Variants in PKN2 observed in about 807,000 individuals in gnomAD.
PKN2 encodes the protein serine/threonine-protein kinase N2.
PKN2 carries 38 observed loss-of-function variants against 119.1 expected under a neutral mutation model. The observed-to-expected ratio is 0.32, with a 90% CI of 0.25 to 0.42. The LOEUF (loss-of-function observed/expected upper bound fraction) is 0.42. Ranked by LOEUF, PKN2 falls within the 10% of genes least tolerant of loss-of-function variation. The pLI is 1.00. For missense variants in PKN2, 850 were observed against 1,165.1 expected, an observed-to-expected ratio of 0.73 and a Z score of 3.94; for synonymous variants, 390 against 384.9, an observed-to-expected ratio of 1.01 and a Z score of -0.15.
At chr1:88,775,446 T>C (rs1470549704) in intron 6 of PKN2, among the ~76,000 whole-genome samples, 1 of 152,258 alleles carries the variant, frequency 6.6e-6, no homozygotes, top group Non-Finnish European at 1.5e-5. Context: ...TAGCTCATTT[T>C]TGGTTTTGTG....
At chr1:88,756,777 A>G (rs960773073) in intron 2 of PKN2, among the ~76,000 whole-genome samples, 3 of 152,150 alleles carry the variant, frequency 2.0e-5, no homozygotes, top group African/African-American at 7.2e-5. Context: ...ACGGAGATAC[A>G]CTTTCTACAG....
chr1:88,819,560 TTGG>T (rs1447849381), intron 16 of PKN2, among the ~76,000 whole-genome samples: 3 of 152,230 alleles, frequency 2.0e-5, no homozygotes, highest in East Asian at 1.9e-4. Flanking sequence ...TTTTACACTG[TTGG>T]TGGGAGTGTA....
intron 6 of PKN2, among the ~76,000 whole-genome samples, chr1:88,776,245 C>T (rs978461378): frequency 7.5e-6 from 1 of 134,210 alleles, no homozygotes; most frequent in Non-Finnish European, 1.6e-5. Context: ...TGACACTGCC[C>T]CCACCCCGCC....
chr1:88,759,232 G>A (rs1201255632), intron 2 of PKN2, among the ~76,000 whole-genome samples: 2 of 152,164 alleles, frequency 1.3e-5, no homozygotes, highest in African/African-American at 4.8e-5. Flanking sequence ...GCATGGTGGC[G>A]TATGCCTGTA....
At chr1:88,756,173 G>A (rs775805885) in intron 2 of PKN2, among the ~76,000 whole-genome samples, 2 of 152,056 alleles carry the variant, frequency 1.3e-5, no homozygotes, top group Non-Finnish European at 2.9e-5. Flanking sequence ...TGGGATTACA[G>A]GTGTAAGCCA....
rs1357747296 is a variant in PKN2, at chr1:88,834,077, T to A, written c.*629T>A. ...TATATTGCCTTTTTTATCAATCATG[T>A]AACAGGCTTATAGCTTTCCAACAGA... On this transcript the variant is annotated 3_prime_UTR_variant, in exon 22 of 22. Coordinates refer to ENST00000370521, the MANE Select transcript of PKN2 (RefSeq NM_006256.4). 6.6e-6 allele frequency: 1 copy of A among 152,126 alleles called. No homozygotes were observed. Among genetic ancestry groups the A allele is most frequent in the African/African-American group, 2.4e-5 (1 of 41,440 alleles). The allele number at this position is 152,126 out of a possible 1,614,324, so 9.4% of individuals were successfully genotyped here.
At chr1:88,793,041 A>C (rs371935084) in intron 8 of PKN2, among the ~76,000 whole-genome samples, 1 of 152,212 alleles carries the variant, frequency 6.6e-6, no homozygotes, top group Non-Finnish European at 1.5e-5. Context: ...TTTTAAATGG[A>C]TACTGTTGAC....
rs574156557 is a variant in PKN2 at position 88,759,231 on chromosome 1, C to T, written c.350-991C>T. Among the ~76,000 whole-genome samples, 15 of 152,284 alleles carry T rather than the reference C, an allele frequency of 9.9e-5. No individual in the cohort carries two copies. The East Asian group carries it at 1.9e-3, about 20-fold the overall frequency. ...TACAAAAATTAGCCAGGCATGGTGG[C>T]GTATGCCTGTAATCCCAGCTATTCA... On this transcript the variant is annotated intron_variant, in intron 2 of 21. Coordinates refer to ENST00000370521, the MANE Select transcript of PKN2 (RefSeq NM_006256.4).
chr1:88,731,209 A>C (rs772077432), intron 1 of PKN2, among the ~76,000 whole-genome samples: 4 of 152,228 alleles, frequency 2.6e-5, no homozygotes, highest in Non-Finnish European at 5.9e-5. Flanking sequence ...ACAGGTACAG[A>C]TAAGTAGGAT....
intron 8 of PKN2, among the ~76,000 whole-genome samples, chr1:88,788,097 T>TTGTC (rs1670655690): frequency 6.6e-6 from 1 of 152,346 alleles, no homozygotes; most frequent in South Asian, 2.1e-4. Context: ...TATGTCAACT[T>TTGTC]TGTCTTCTAT....
At chr1:88,806,712 CATTGTTTTGGT>C (rs906412893) in intron 12 of PKN2, among the ~76,000 whole-genome samples, 3 of 151,876 alleles carry the variant, frequency 2.0e-5, no homozygotes, top group African/African-American at 4.8e-5. Flanking sequence ...GTTAGTTTTT[CATTGTTTTGGT>C]TTTGTTTTGT....
chr1:88,789,585 C>T lies in PKN2; in HGVS notation c.1281+3372C>T, dbSNP rs1043744467. Reference sequence around the variant, plus strand: ...GGCTGAGGCTGAGACTCTGCTTAAACCCCGGAGGCAGAGGTTGCAGTGAGC... The same window carrying T: ...GGCTGAGGCTGAGACTCTGCTTAAATCCCGGAGGCAGAGGTTGCAGTGAGC... On this transcript the variant is annotated intron_variant, in intron 8 of 21. Coordinates refer to ENST00000370521, the MANE Select transcript of PKN2 (RefSeq NM_006256.4). Among the ~76,000 whole-genome samples the T allele has an allele frequency of 2.6e-5, 4 of 151,960 alleles. No individual in the cohort carries two copies. The South Asian group carries it at 6.2e-4, about 24-fold the overall frequency.
chr1:88,703,455 T>C (rs1004827802), intron 1 of PKN2, among the ~76,000 whole-genome samples: 3 of 152,176 alleles, frequency 2.0e-5, no homozygotes, highest in Non-Finnish European at 4.4e-5. Context: ...ATTTTTAAAG[T>C]GAGGCTTAGA....
chr1:88,720,028 TTG>T (rs755724291), intron 1 of PKN2, among the ~76,000 whole-genome samples: 2 of 151,876 alleles, frequency 1.3e-5, no homozygotes, highest in African/African-American at 2.4e-5. Context: ...ATGTTTTTTG[TTG>T]TTGTTGTTGT....
chr1:88,703,446 T>TA (rs1374874223), intron 1 of PKN2, among the ~76,000 whole-genome samples: 1 of 150,914 alleles, frequency 6.6e-6, no homozygotes, highest in Admixed American at 6.6e-5. Flanking sequence ...TATTTATATA[T>TA]TTTTAAAGTG....
At chr1:88,801,103 G>A (rs1233356609) in intron 8 of PKN2, among the ~76,000 whole-genome samples, 4 of 152,144 alleles carry the variant, frequency 2.6e-5, no homozygotes, top group Non-Finnish European at 4.4e-5. Flanking sequence ...TAAACATTGG[G>A]CCAGGCACAG....
At chr1:88,807,257 A>C in intron 12 of PKN2, 56 bp from the exon 13 acceptor site, 1 of 1,132,376 alleles carries the variant, frequency 8.8e-7, no homozygotes, top group South Asian at 1.8e-5. Flanking sequence ...TATCATTATC[A>C]AATAAGTTGT....
chr1:88,820,684 CTG>C (rs1230318694), intron 16 of PKN2, among the ~76,000 whole-genome samples: 4 of 151,972 alleles, frequency 2.6e-5, no homozygotes, highest in African/African-American at 9.7e-5. Flanking sequence ...GAATTGTTAT[CTG>C]TATGAACGGC....
chr1:88,717,772 C>T (rs1390549235), intron 1 of PKN2, among the ~76,000 whole-genome samples: 5 of 151,746 alleles, frequency 3.3e-5, no homozygotes, highest in African/African-American at 1.2e-4. Flanking sequence ...TTGTTATTAC[C>T]GATCTTCCGA....
Sources: gnomAD v4.1 joint callset for allele counts (sites outside exome capture counted in the v4.1 genomes callset) on GRCh38, gnomAD v4.1.1 for gene constraint, MANE v1.5 for transcripts, NCBI Gene and HGNC (gene_info 2026-07-23, HGNC 2026-07-21) for gene names.